SCLT1: variants seen among roughly 807,000 people sequenced by gnomAD.
SCLT1 encodes sodium channel and clathrin linker 1.
A neutral mutation model predicts 112.8 loss-of-function variants in SCLT1; 78 were observed. That is an observed-to-expected ratio of 0.69 (90% confidence interval 0.58 to 0.83). The LOEUF is 0.83. Among genes scored for constraint, SCLT1 ranks in the 40% least tolerant of loss-of-function variants. The pLI is 0.00. For missense variants in SCLT1, 747 were observed against 770.4 expected (o/e 0.97, Z 0.36); for synonymous variants, 257 against 254.7 (o/e 1.01, Z -0.09).
At chr4:128,974,741 ATTATGT>A (rs971400452) in intron 9 of SCLT1, among the ~76,000 whole-genome samples, 36 of 152,210 alleles carry the variant, frequency 2.4e-4, no homozygotes, top group African/African-American at 7.2e-4. Context: ...AAACTCAATA[ATTATGT>A]TTATACTATT....
At chr4:128,903,874 A>T (rs1243182757) in intron 18 of SCLT1, among the ~76,000 whole-genome samples, 1 of 152,176 alleles carries the variant, frequency 6.6e-6, no homozygotes, top group Non-Finnish European at 1.5e-5. Context: ...CATTAGAGAA[A>T]ATAATTGAGA....
intron 18 of SCLT1, among the ~76,000 whole-genome samples, chr4:128,927,913 T>C (rs772828828): frequency 1.3e-5 from 2 of 151,784 alleles, no homozygotes; most frequent in Non-Finnish European, 2.9e-5. Flanking sequence ...ATATCAGGAA[T>C]GCAAAAGGAA....
chr4:129,021,584 G>A (rs548342394), intron 5 of SCLT1, among the ~76,000 whole-genome samples: 6 of 152,266 alleles, frequency 3.9e-5, no homozygotes, highest in South Asian at 2.1e-4. Flanking sequence ...TGGGCTGGGC[G>A]TGGCAAAGTG....
chr4:128,982,597 G>T (rs1741756053), intron 9 of SCLT1, among the ~76,000 whole-genome samples: 1 of 151,978 alleles, frequency 6.6e-6, no homozygotes, highest in Admixed American at 6.6e-5. Flanking sequence ...TGCCTCCTGG[G>T]TTCAAGCAAT....
At chr4:129,021,182 G>A (rs1745440295) in intron 5 of SCLT1, among the ~76,000 whole-genome samples, 1 of 152,188 alleles carries the variant, frequency 6.6e-6, no homozygotes, top group Non-Finnish European at 1.5e-5. Context: ...GCCAAGGAAA[G>A]CTGTGAGGGA....
chr4:129,053,159 A>G (rs1449142931), intron 2 of SCLT1, among the ~76,000 whole-genome samples: 1 of 152,110 alleles, frequency 6.6e-6, no homozygotes, highest in Non-Finnish European at 1.5e-5. Context: ...TTTGTGGTCA[A>G]TTTCAGAATG....
At chr4:128,996,260 T>C (rs569375373) in intron 8 of SCLT1, among the ~76,000 whole-genome samples, 5 of 152,216 alleles carry the variant, frequency 3.3e-5, no homozygotes. Context: ...AGGAAATTTG[T>C]CCATGAATTG....
At chr4:128,873,292 GAAAAAAGAAA>G (rs1262894014) in intron 5 of SCLT1, 1 of 117,188 alleles carries the variant, frequency 8.5e-6, no homozygotes, top group African/African-American at 3.4e-5. Context: ...AAAAAAAAAA[GAAAAAAGAAA>G]AAAAGAGAAA....
At chr4:128,935,816 T>A (rs1737134535) in intron 18 of SCLT1, among the ~76,000 whole-genome samples, 1 of 152,180 alleles carries the variant, frequency 6.6e-6, no homozygotes, top group Admixed American at 6.5e-5. Context: ...CTCTCTATCC[T>A]CTTTTTCAAC....
chr4:129,038,204 A>C (rs542996387), intron 5 of SCLT1: 9 of 154,256 alleles, frequency 5.8e-5, no homozygotes, highest in Admixed American at 3.9e-4. Context: ...AGTATTTAAC[A>C]GTCAAAATGA....
At chr4:128,972,736 C>T (rs1156843951) in intron 9 of SCLT1, among the ~76,000 whole-genome samples, 1 of 152,182 alleles carries the variant, frequency 6.6e-6, no homozygotes, top group African/African-American at 2.4e-5. Flanking sequence ...TTCATTATCA[C>T]TCATAAGACT....
At chr4:129,009,024 A>T (rs1483916947) in intron 5 of SCLT1, among the ~76,000 whole-genome samples, 1 of 152,180 alleles carries the variant, frequency 6.6e-6, no homozygotes, top group Non-Finnish European at 1.5e-5. Context: ...ATAGTATTCC[A>T]TTGTATATAT....
chr4:128,894,149 C>T (rs1051964388), intron 18 of SCLT1, among the ~76,000 whole-genome samples: 2 of 151,834 alleles, frequency 1.3e-5, no homozygotes, highest in Non-Finnish European at 1.5e-5. Flanking sequence ...ACCATATTGC[C>T]CAGGTTGATC....
rs2126012509 is a variant in SCLT1, at chr4:128,958,942, A to G, written c.1047+658T>C. Among the ~76,000 whole-genome samples the G allele has an allele frequency of 2.0e-5, 3 of 152,318 alleles. 1 individual carries two copies. The South Asian group carries it at 6.2e-4, about 32-fold the overall frequency. On this transcript the variant is annotated intron_variant, in intron 12 of 20. Coordinates refer to ENST00000281142, the MANE Select transcript of SCLT1 (RefSeq NM_144643.4). ...AACAAAGCATTTCCTTTGTACCCGT[A>G]TTCTGCATATACTAGGCATTCGATG... is the stretch of plus-strand genomic sequence containing the variant.
At chr4:129,038,448 C>T (rs1239592987) in intron 5 of SCLT1, among the ~76,000 whole-genome samples, 1 of 151,906 alleles carries the variant, frequency 6.6e-6, no homozygotes, top group African/African-American at 2.4e-5. Context: ...TAGATGATAC[C>T]GTTTTTATAC....
chr4:129,068,024 T>C (rs953956723), intron 2 of SCLT1, among the ~76,000 whole-genome samples: 2 of 152,082 alleles, frequency 1.3e-5, no homozygotes, highest in Non-Finnish European at 2.9e-5. Flanking sequence ...CCAAAGTCCA[T>C]TGTGTCATCC....
intron 18 of SCLT1, among the ~76,000 whole-genome samples, chr4:128,906,825 T>C (rs1039996280): frequency 5.3e-5 from 8 of 152,182 alleles, no homozygotes; most frequent in South Asian, 2.1e-4. Flanking sequence ...GTCACTGCCA[T>C]AGTGAAACTT....
At chr4:129,071,167 A>G (rs1241421626) in intron 2 of SCLT1, among the ~76,000 whole-genome samples, 3 of 152,004 alleles carry the variant, frequency 2.0e-5, no homozygotes, top group African/African-American at 7.2e-5. Flanking sequence ...AATTTTCTTC[A>G]ATTTATTGAG....
intron 18 of SCLT1, among the ~76,000 whole-genome samples, chr4:128,893,793 G>A (rs1274886096): frequency 3.3e-5 from 5 of 152,086 alleles, no homozygotes; most frequent in African/African-American, 1.2e-4. Context: ...CGCCCTCCTC[G>A]GCCTCCCAAA....
Sources: gnomAD v4.1 joint callset for allele counts (sites outside exome capture counted in the v4.1 genomes callset) on GRCh38, gnomAD v4.1.1 for gene constraint, MANE v1.5 for transcripts, NCBI Gene and HGNC (gene_info 2026-07-23, HGNC 2026-07-21) for gene names.